Variants in SFI1 observed in about 807,000 individuals in gnomAD.
SFI1 encodes protein SFI1 homolog.
SFI1 carries 195 observed loss-of-function variants against 207.5 expected under a neutral mutation model. The ratio of observed to expected loss-of-function variants is 0.94; its 90% confidence interval spans 0.84 to 1.06. The LOEUF is 1.06. Ranked by LOEUF, SFI1 falls within the 50% of genes least tolerant of loss-of-function variation. SFI1 has a pLI of 0.00. For missense variants in SFI1, 1,634 were observed against 1,588.0 expected, an observed-to-expected ratio of 1.03 and a Z score of -0.49; for synonymous variants, 630 against 598.9, an observed-to-expected ratio of 1.05 and a Z score of -0.76.
intron 15 of SFI1, among the ~76,000 whole-genome samples, chr22:31,591,741 A>ACCTC: frequency 3.2e-5 from 1 of 31,148 alleles, no homozygotes; most frequent in African/African-American, 1.9e-4. Context: ...GGCGCCCCTC[A>ACCTC]CCTCCCGGAC....
intron 7 of SFI1, 57 bp downstream of exon 7, chr22:31,557,116 T>C: frequency 9.5e-7 from 1 of 1,057,586 alleles, no homozygotes; most frequent in Non-Finnish European, 1.4e-6. Flanking sequence ...TCATCAGCTT[T>C]ATGGTGCTGG....
At chr22:31,537,195 A>G (rs1406279994) in intron 4 of SFI1, among the ~76,000 whole-genome samples, 1 of 152,150 alleles carries the variant, frequency 6.6e-6, no homozygotes, top group Non-Finnish European at 1.5e-5. Flanking sequence ...AACACTTCGT[A>G]GTTGCAAGAT....
chr22:31,580,783 TC>T (rs1313259220), intron 12 of SFI1, among the ~76,000 whole-genome samples: 2 of 152,124 alleles, frequency 1.3e-5, no homozygotes, highest in Non-Finnish European at 2.9e-5. Flanking sequence ...CTTCAGATGA[TC>T]CACCCGCCTC....
In SFI1 at chr22:31,618,484, AAC is replaced by A. The variant is rs2072232026; in HGVS notation, c.*70_*71del. 4.3e-6 allele frequency: 6 copies of A among 1,390,430 alleles called. No individual in the cohort carries two copies. Among genetic ancestry groups the A allele is most frequent in the South Asian group, 1.5e-5 (1 of 64,706 alleles). 86.1% of individuals were successfully genotyped at this position (1,390,430 alleles called of 1,614,324 possible). A position where few individuals can be genotyped will look rare whatever the true frequency, so the allele number is the denominator to read the frequency against. ...GGCCTCAGGCCACCTCCAGGAACAG[AAC>A]ACAGTTTTAAGTTTGATTTTTTTTA... is the stretch of plus-strand genomic sequence containing the variant. On this transcript the variant is annotated 3_prime_UTR_variant, in exon 33 of 33. Transcript: ENST00000400288.
At chr22:31,523,427 T>G (rs2057513178) in intron 2 of SFI1, among the ~76,000 whole-genome samples, 1 of 152,210 alleles carries the variant, frequency 6.6e-6, no homozygotes. Context: ...AGTTTTAATT[T>G]CCAAGTTAAC....
At chr22:31,582,203 ATT>A (rs70944242) in intron 12 of SFI1, among the ~76,000 whole-genome samples, 820 of 6,054 alleles carry the variant, frequency 0.14, 66 homozygotes, top group East Asian at 0.24. Context: ...TCTTTATTAC[ATT>A]TTATATATAT....
chr22:31,499,043 T>G (rs2053260272), intron 1 of SFI1, among the ~76,000 whole-genome samples: 1 of 151,886 alleles, frequency 6.6e-6, no homozygotes, highest in East Asian at 1.9e-4. Flanking sequence ...AGGGTCTTGT[T>G]CTGTTGTCCA....
At chr22:31,565,769 C>A (rs980276202) in intron 8 of SFI1, among the ~76,000 whole-genome samples, 3 of 152,080 alleles carry the variant, frequency 2.0e-5, no homozygotes, top group African/African-American at 7.2e-5. Flanking sequence ...TGTTGTCATA[C>A]TGTGCTTTGC....
chr22:31,610,197 G>A (rs1428141796), intron 22 of SFI1, among the ~76,000 whole-genome samples: 3 of 152,188 alleles, frequency 2.0e-5, no homozygotes, highest in African/African-American at 4.8e-5. Context: ...AGGGGAGGAT[G>A]TCACAAGACC....
rs1203788986 is a variant in SFI1 at position 31,551,435 on chromosome 22, A to T, written c.544+1087A>T. On this transcript the variant is annotated intron_variant, in intron 6 of 32. Coordinates refer to ENST00000400288, the MANE Select transcript of SFI1 (RefSeq NM_001007467.3). ...CCCCTGTCTGTATTCCCAAAGTATG[A>T]GAAGCTCTTACCCAAGCCTCATGAT... Among the ~76,000 whole-genome samples, 3 of 152,174 alleles carry T rather than the reference A, an allele frequency of 2.0e-5. No homozygotes were observed. The East Asian group carries it at 5.8e-4, about 29-fold the overall frequency.
In SFI1 at chr22:31,613,165, G is replaced by A; in HGVS notation, c.2514G>A (p.Gln838=). 1 of 1,613,722 alleles carries A rather than the reference G, an allele frequency of 6.2e-7. No individual in the cohort carries two copies. The highest frequency in any genetic ancestry group is 8.5e-7 in the Non-Finnish European group (1 of 1,180,018). ...RQQLAARRQE[Q]RATVRALWFW... ...AGCTGGCAGCCAGGAGGCAGGAGCA[G>A]CGGGCGACAGTGCGGGCCCTGTGGT... Residue 838 remains glutamine (Q), a synonymous_variant, in exon 25 of 33, where the codon CAG becomes CAA. Coordinates refer to ENST00000400288, the MANE Select transcript of SFI1 (RefSeq NM_001007467.3).
chr22:31,613,556 G>A, intron 26 of SFI1, 26 bp downstream of exon 26: 1 of 1,578,630 alleles, frequency 6.3e-7, no homozygotes, highest in Non-Finnish European at 8.6e-7. Context: ...CTTCCTGTGG[G>A]GAGCAGGCAG....
chr22:31,504,234 A>G (rs566904936), intron 1 of SFI1, among the ~76,000 whole-genome samples: 19 of 152,352 alleles, frequency 1.2e-4, no homozygotes, highest in African/African-American at 4.3e-4. Context: ...CATTGATTAT[A>G]GCAGTATTTC....
chr22:31,531,210 A>G, intron 4 of SFI1, 81 bp downstream of exon 4: 1 of 1,158,164 alleles, frequency 8.6e-7, no homozygotes, highest in Non-Finnish European at 1.3e-6. Context: ...TATAAACTTC[A>G]TTATGGCTTG....
At chr22:31,507,043 G>A (rs1425510432) in intron 1 of SFI1, among the ~76,000 whole-genome samples, 2 of 152,110 alleles carry the variant, frequency 1.3e-5, no homozygotes, top group African/African-American at 4.8e-5. Context: ...AGCATGAATA[G>A]CCAGGACAAT....
In SFI1 at chr22:31,613,223, G is replaced by A. The variant is rs1324958927; in HGVS notation, c.2565+7G>A. The A allele has an allele frequency of 5.6e-6, 9 of 1,613,508 alleles. No homozygotes were observed. In the South Asian group the frequency reaches 9.9e-5, roughly 18 times the overall value. On this transcript the variant is annotated splice_region_variant and intron_variant, in intron 25 of 32. Coordinates refer to ENST00000400288, the MANE Select transcript of SFI1 (RefSeq NM_001007467.3). ...CTTCTCGCTGCAGGCAAAGGTAATT[G>A]GGGCTCTGCATCCTACCATCCCTGC...
At chr22:31,532,015 C>G (rs575960703) in intron 4 of SFI1, among the ~76,000 whole-genome samples, 1 of 151,716 alleles carries the variant, frequency 6.6e-6, no homozygotes, top group Non-Finnish European at 1.5e-5. Context: ...GAGCCGAGAT[C>G]GCGCCATTGC....
At chr22:31,591,777 T>C (rs1172835847) in intron 15 of SFI1, among the ~76,000 whole-genome samples, 1 of 58,696 alleles carries the variant, frequency 1.7e-5, no homozygotes. Flanking sequence ...GCGGGGGGGC[T>C]GACCCCCCCC....
Position 31,618,401 on chromosome 22 carries a change from CGGCAGGCCCTGT to C in SFI1, c.3714_3725del (p.Gln1239_Cys1242del), listed in dbSNP as rs1471476180. 1.9e-5 allele frequency: 30 copies of C among 1,594,914 alleles called. No individual in the cohort carries two copies. The highest frequency in any genetic ancestry group is 6.8e-5 in the East Asian group (3 of 44,316). On this transcript the variant is annotated inframe_deletion, in exon 33 of 33. Transcript: ENST00000400288. ...CTGCGTTGCCCGCATCCAGGCCCTG[CGGCAGGCCCTGT>C]GCTAGCGTGTTCGCACCAGGAACGC...
Sources: allele counts gnomAD v4.1 joint callset (sites outside exome capture counted in the v4.1 genomes callset), GRCh38; gene constraint gnomAD v4.1.1; transcripts MANE v1.5; gene names NCBI Gene and HGNC (gene_info 2026-07-23, HGNC 2026-07-21).